The following GSE1 variants were observed in gnomAD, a reference collection of about 807,000 sequenced individuals.
GSE1 encodes the protein genetic suppressor element 1.
Under a neutral mutation model 112.6 loss-of-function variants are expected in GSE1, and 32 were observed. The ratio of observed to expected loss-of-function variants is 0.28; its 90% CI spans 0.21 to 0.38. The LOEUF (loss-of-function observed/expected upper bound fraction) is 0.38, where lower values mean the gene tolerates loss of function less well. Among genes scored for constraint, GSE1 ranks in the 10% least tolerant of loss-of-function variants. The probability of loss-of-function intolerance (pLI) is 1.00; values close to 1 mark genes in which losing one functional copy is unlikely to be tolerated. For synonymous variants in GSE1, 1,115 were observed against 735.6 expected (o/e 1.52, Z -8.35); for missense variants, 2,348 against 1,699.2 (o/e 1.38, Z -6.71).
At chr16:85,636,938 C>T (rs2050054688) in intron 2 of GSE1, among the ~76,000 whole-genome samples, 1 of 152,172 alleles carries the variant, frequency 6.6e-6, no homozygotes, top group South Asian at 2.1e-4. Context: ...CCCCAGCTCC[C>T]TGGTGCTACC....
chr16:85,507,878 T>C (rs2151925615), intron 2 of GSE1, among the ~76,000 whole-genome samples: 1 of 152,342 alleles, frequency 6.6e-6, no homozygotes, highest in South Asian at 2.1e-4. Context: ...ATGCGTCATA[T>C]TCATCAGAAG....
intron 1 of GSE1, among the ~76,000 whole-genome samples, chr16:85,276,745 C>G (rs1227276241): frequency 6.6e-6 from 1 of 152,100 alleles, no homozygotes; most frequent in African/African-American, 2.4e-5. Context: ...TGGGGTGGGA[C>G]CTCGCTCGTG....
chr16:85,661,955 G>A (rs2052470614), intron 9 of GSE1, among the ~76,000 whole-genome samples, 190 bp downstream of exon 9: 1 of 152,204 alleles, frequency 6.6e-6, no homozygotes, highest in Non-Finnish European at 1.5e-5. Flanking sequence ...GCAGACCCTA[G>A]TCCCCGTGCC....
intron 2 of GSE1, among the ~76,000 whole-genome samples, chr16:85,529,971 G>C (rs568019494): frequency 3.9e-4 from 59 of 152,352 alleles, no homozygotes; most frequent in Non-Finnish European, 6.5e-4. Context: ...ATGAGTGAAA[G>C]GTCAGCTAGA....
intron 1 of GSE1, among the ~76,000 whole-genome samples, chr16:85,296,868 G>A (rs1025450228): frequency 1.3e-5 from 2 of 150,130 alleles, no homozygotes; most frequent in African/African-American, 4.9e-5. Context: ...CTTGCCTGGA[G>A]TCTTGCAGTC....
rs573403441 is a variant in GSE1 at position 85,199,344 on chromosome 16, C to T, written c.2283+27537C>T. 3.3e-5 allele frequency among the ~76,000 whole-genome samples: 5 copies of T among 152,286 alleles called. No individual in the cohort carries two copies. In the South Asian group the frequency reaches 1.0e-3, roughly 32 times the overall value. ...CAAGCAATCCTCCCGCCTCAGCCTCCCAAAGTGTGGAGATTACAGGCGAGA... is the reference window on the plus strand; with the variant it reads ...CAAGCAATCCTCCCGCCTCAGCCTCTCAAAGTGTGGAGATTACAGGCGAGA... On this transcript the variant is annotated intron_variant, in intron 1 of 2. Coordinates refer to the GSE1 transcript ENST00000637419.
At chr16:85,359,195 A>G (rs754821603) in intron 2 of GSE1, 8 of 342,792 alleles carry the variant, frequency 2.3e-5, no homozygotes, top group Non-Finnish European at 4.7e-5. Flanking sequence ...GCTCAGGCAG[A>G]GGAGGACACC....
At chr16:85,244,078 A>AT (rs1905386027) in intron 1 of GSE1, among the ~76,000 whole-genome samples, 1 of 152,108 alleles carries the variant, frequency 6.6e-6, no homozygotes, top group South Asian at 2.1e-4. Flanking sequence ...GTGAGCGGAG[A>AT]TTGCACCATT....
chr16:85,337,327 A>T (rs2046516083), intron 1 of GSE1, among the ~76,000 whole-genome samples: 1 of 131,862 alleles, frequency 7.6e-6, no homozygotes, highest in African/African-American at 2.9e-5. Flanking sequence ...TTTTTTTGAG[A>T]CGGAGTCTCG....
intron 1 of GSE1, among the ~76,000 whole-genome samples, chr16:85,344,922 G>A (rs1400920821): frequency 2.6e-5 from 4 of 152,250 alleles, no homozygotes; most frequent in African/African-American, 4.8e-5. Flanking sequence ...CGTGGGTGCT[G>A]CTGTAGCCAG....
At chr16:85,252,780 A>C (rs1231461684) in intron 1 of GSE1, among the ~76,000 whole-genome samples, 3 of 152,222 alleles carry the variant, frequency 2.0e-5, no homozygotes, top group African/African-American at 4.8e-5. Flanking sequence ...TTACAGGTGC[A>C]GTCTGAGGCT....
chr16:85,274,385 A>T (rs926137021), intron 1 of GSE1, among the ~76,000 whole-genome samples: 9 of 152,192 alleles, frequency 5.9e-5, no homozygotes, highest in Non-Finnish European at 1.2e-4. Flanking sequence ...CCATCTCAAA[A>T]ATAAATACAT....
intron 2 of GSE1, among the ~76,000 whole-genome samples, chr16:85,473,986 G>A (rs2050375116): frequency 6.6e-6 from 1 of 150,716 alleles, no homozygotes; most frequent in African/African-American, 2.5e-5. Flanking sequence ...AGGCCCTGGG[G>A]GGCAGCAGGC....
intron 1 of GSE1, among the ~76,000 whole-genome samples, chr16:85,560,181 G>T (rs1015917366): frequency 6.3e-5 from 9 of 141,908 alleles, no homozygotes; most frequent in Non-Finnish European, 1.2e-4. Flanking sequence ...CTCTTGCCAG[G>T]CTCGAGTGCA....
chr16:85,585,563 G>A (rs891806233), intron 1 of GSE1, among the ~76,000 whole-genome samples: 1 of 152,206 alleles, frequency 6.6e-6, no homozygotes, highest in African/African-American at 2.4e-5. Flanking sequence ...GTCTCCATGT[G>A]GGGAGGAGGG....
Position 85,342,502 on chromosome 16 carries a change from G to A in GSE1, c.2284-14961G>A, listed in dbSNP as rs1314469793. On this transcript the variant is annotated intron_variant, in intron 1 of 2. Coordinates refer to the GSE1 transcript ENST00000637419. The stretch of plus-strand genomic sequence containing the variant: ...CTGCGGTGGCCCACGCTTGAGCTGA[G>A]AGCTCAGGGCGTGGGCCTCGGCAGC... Among the ~76,000 whole-genome samples, 6 of 152,080 alleles carry A rather than the reference G, an allele frequency of 3.9e-5. No individual in the cohort carries two copies. In the East Asian group the frequency reaches 1.2e-3, roughly 30 times the overall value.
intron 1 of GSE1, among the ~76,000 whole-genome samples, chr16:85,617,277 C>T (rs2048429275): frequency 1.3e-5 from 2 of 152,198 alleles, no homozygotes; most frequent in South Asian, 2.1e-4. Flanking sequence ...GGGCGGAGTC[C>T]AGGCCTGGAG....
intron 1 of GSE1, among the ~76,000 whole-genome samples, chr16:85,618,305 A>G (rs1337582827): frequency 6.6e-6 from 1 of 152,152 alleles, no homozygotes; most frequent in Non-Finnish European, 1.5e-5. Flanking sequence ...ACGAGGATGC[A>G]GAGGCCCTCT....
rs1313274856 is a variant in GSE1, at chr16:85,169,534, C to T, written c.10C>T (p.Arg4Trp). 1.7e-5 allele frequency: 16 copies of T among 923,414 alleles called. No homozygotes were observed. The East Asian group carries it at 1.9e-3, about 111-fold the overall frequency. 57.2% of individuals were successfully genotyped at this position (923,414 alleles called of 1,614,324 possible). ...GCGGCGCGGCGCGGCCATGAGCGGG[C>T]GGCCGGCCCCGGTCTCCCGCAAGCA... The change falls in exon 1 of 3, where the codon CGG becomes TGG. Residue 4 changes from arginine to tryptophan, a missense_variant. By Grantham distance (101) the Arg-to-Trp change is moderately radical (BLOSUM62 -3). Coordinates refer to the GSE1 transcript ENST00000637419.
Sources: gnomAD v4.1 joint callset for allele counts (sites outside exome capture counted in the v4.1 genomes callset) on GRCh38, gnomAD v4.1.1 for gene constraint, MANE v1.5 for transcripts, NCBI Gene and HGNC (gene_info 2026-07-23, HGNC 2026-07-21) for gene names.